Variants in ASPRV1 observed in about 807,000 individuals in gnomAD.
ASPRV1 encodes aspartic peptidase retroviral like 1, also known as retroviral-like aspartic protease 1.
A neutral mutation model predicts 11.0 loss-of-function variants in ASPRV1; 7 were observed. That is an observed-to-expected ratio of 0.64 (90% CI 0.36 to 1.20). The LOEUF (loss-of-function observed/expected upper bound fraction) is 1.20, where lower values mean the gene tolerates loss of function less well. ASPRV1 is among the 50% of genes most tolerant of loss of function. The pLI, the probability that ASPRV1 is intolerant of heterozygous loss-of-function variation, is 0.02. For synonymous variants in ASPRV1, 136 were observed against 138.4 expected (o/e 0.98, Z 0.12); for missense variants, 299 against 320.0 (o/e 0.93, Z 0.50).
the ASPRV1 span, among the ~76,000 whole-genome samples, chr2:69,986,255 A>C: frequency 6.6e-6 from 1 of 152,226 alleles, no homozygotes; most frequent in Non-Finnish European, 1.5e-5. Flanking sequence ...TGCTTCCTGC[A>C]TGGGCAACTC....
chr2:70,045,472 T>C, the ASPRV1 span: 9 of 152,242 alleles, frequency 5.9e-5, no homozygotes, highest in Non-Finnish European at 8.8e-5. Context: ...CCTCAAGCTA[T>C]CAAAGCCAAA....
chr2:70,075,648 A>G, the ASPRV1 span, among the ~76,000 whole-genome samples: 1 of 152,080 alleles, frequency 6.6e-6, no homozygotes, highest in Non-Finnish European at 1.5e-5. Flanking sequence ...GGAGTTCAAG[A>G]CCAGCCTGAG....
the ASPRV1 span, among the ~76,000 whole-genome samples, chr2:70,016,543 A>C: frequency 2.0e-5 from 3 of 152,086 alleles, no homozygotes; most frequent in Non-Finnish European, 4.4e-5. Context: ...CAGCAAACCA[A>C]ATTCAACAAC....
chr2:70,017,396 T>C, the ASPRV1 span, among the ~76,000 whole-genome samples: 1 of 152,264 alleles, frequency 6.6e-6, no homozygotes, highest in Non-Finnish European at 1.5e-5. Flanking sequence ...CTCAACACAG[T>C]AAGGGTCATG....
At chr2:69,934,782 A>G in the ASPRV1 span, among the ~76,000 whole-genome samples, 1 of 152,220 alleles carries the variant, frequency 6.6e-6, no homozygotes, top group African/African-American at 2.4e-5. Context: ...ATTCTTTTTG[A>G]TAGCTACATA....
At chr2:70,047,442 G>GA in the ASPRV1 span, among the ~76,000 whole-genome samples, 3 of 152,162 alleles carry the variant, frequency 2.0e-5, no homozygotes, top group African/African-American at 7.2e-5. Flanking sequence ...ATGCCACCAT[G>GA]AAACTGCCCG....
chr2:70,079,398 A>T, the ASPRV1 span, among the ~76,000 whole-genome samples: 3 of 152,172 alleles, frequency 2.0e-5, no homozygotes, highest in Non-Finnish European at 4.4e-5. Context: ...TCTTGAGACC[A>T]GGAATTCAAG....
chr2:70,019,026 T>C, the ASPRV1 span: 121 of 152,326 alleles, frequency 7.9e-4, no homozygotes, highest in African/African-American at 2.7e-3. Context: ...GGGGTTGTTA[T>C]GATCTAAAGT....
At chr2:69,968,997 A>C in the ASPRV1 span, among the ~76,000 whole-genome samples, 1 of 152,178 alleles carries the variant, frequency 6.6e-6, no homozygotes, top group Non-Finnish European at 1.5e-5. Context: ...AGCACTCATG[A>C]GACTTTCACA....
chr2:70,024,007 T>C, the ASPRV1 span, among the ~76,000 whole-genome samples: 1 of 151,400 alleles, frequency 6.6e-6, no homozygotes, highest in African/African-American at 2.4e-5. Context: ...TCCTAGCACT[T>C]TAGGAGGCGA....
chr2:69,961,830 T>A (rs969215363), upstream of ASPRV1: 16 of 926,482 alleles, frequency 1.7e-5, no homozygotes, highest in Non-Finnish European at 1.3e-5. Flanking sequence ...AAGGCCAGCC[T>A]CTGTTGAAGG....
chr2:70,073,522 TTTAACGATAC>T, the ASPRV1 span, among the ~76,000 whole-genome samples: 45 of 152,326 alleles, frequency 3.0e-4, no homozygotes, highest in South Asian at 6.0e-3. Context: ...TCATTTAATC[TTTAACGATAC>T]TTAACGATAC....
chr2:69,972,206 C>T, the ASPRV1 span, among the ~76,000 whole-genome samples: 8 of 151,322 alleles, frequency 5.3e-5, no homozygotes, highest in South Asian at 8.3e-4. Context: ...AGATTATAGG[C>T]GCCCACCACC....
the ASPRV1 span, among the ~76,000 whole-genome samples, chr2:70,025,317 G>A: frequency 6.6e-6 from 1 of 152,158 alleles, no homozygotes; most frequent in South Asian, 2.1e-4. Flanking sequence ...CAGCTACTCA[G>A]GAGGCTGAGG....
the ASPRV1 span, among the ~76,000 whole-genome samples, chr2:70,078,872 G>A: frequency 6.6e-6 from 1 of 152,078 alleles, no homozygotes; most frequent in Non-Finnish European, 1.5e-5. Context: ...AGATTGAGGG[G>A]GCAAAGAGCA....
chr2:69,944,159 G>A, the ASPRV1 span, among the ~76,000 whole-genome samples: 11 of 152,332 alleles, frequency 7.2e-5, no homozygotes, highest in Admixed American at 2.0e-4. Flanking sequence ...CAAAAGCTAC[G>A]TTCTCTAAAG....
the ASPRV1 span, chr2:69,942,150 T>G: frequency 6.6e-6 from 1 of 152,218 alleles, no homozygotes; most frequent in Non-Finnish European, 1.5e-5. Flanking sequence ...TCTATTCTTT[T>G]TCTATGTTTG....
the ASPRV1 span, among the ~76,000 whole-genome samples, chr2:69,996,145 C>T: frequency 6.9e-6 from 1 of 145,200 alleles, no homozygotes; most frequent in African/African-American, 2.6e-5. Context: ...CTTTGGGATG[C>T]CAAGGGAGGA....
the ASPRV1 span, among the ~76,000 whole-genome samples, chr2:70,051,609 C>G: frequency 1.3e-5 from 2 of 152,130 alleles, no homozygotes; most frequent in African/African-American, 4.8e-5. Flanking sequence ...AATTCATTCA[C>G]TCAACAAATA....
Sources: allele counts gnomAD v4.1 joint callset (sites outside exome capture counted in the v4.1 genomes callset), GRCh38; gene constraint gnomAD v4.1.1; transcripts MANE v1.5; gene names NCBI Gene and HGNC (gene_info 2026-07-23, HGNC 2026-07-21).